PCDH11X: variants seen among roughly 807,000 people sequenced by gnomAD.
PCDH11X encodes protocadherin 11 X-linked.
A neutral mutation model predicts 53.3 loss-of-function variants in PCDH11X; 18 were observed. The ratio of observed to expected loss-of-function variants is 0.34; its 90% confidence interval spans 0.23 to 0.50. The LOEUF (loss-of-function observed/expected upper bound fraction) is 0.50. Ranked by LOEUF, PCDH11X falls within the 20% of genes least tolerant of loss-of-function variation. The pLI is 0.98. For synonymous variants in PCDH11X, 279 were observed against 393.3 expected, an observed-to-expected ratio of 0.71 and a Z score of 3.44; for missense variants, 570 against 1,032.4, an observed-to-expected ratio of 0.55 and a Z score of 6.14.
intron 10 of PCDH11X, among the ~76,000 whole-genome samples, chrX:92,583,139 G>A (rs1486058437): frequency 9.5e-5 from 9 of 95,040 alleles, no homozygotes; most frequent in East Asian, 3.1e-4. Flanking sequence ...TCTCTCTGTC[G>A]CCCAGGCTGG....
intron 6 of PCDH11X, among the ~76,000 whole-genome samples, chrX:91,886,987 G>A (rs2524547): frequency 0.24 from 18,792 of 79,370 alleles, 2,907 homozygotes; most frequent in Admixed American, 0.34. Context: ...AAAAAAAAAA[G>A]AAAAGAAAAG....
intron 8 of PCDH11X, among the ~76,000 whole-genome samples, chrX:92,348,306 A>AT (rs1348350520): frequency 9.0e-6 from 1 of 110,621 alleles, no homozygotes; most frequent in Non-Finnish European, 1.9e-5. Context: ...AATAAGTATT[A>AT]TATCTTGTAA....
chrX:92,278,806 GTTTT>G (rs35000823), intron 8 of PCDH11X, among the ~76,000 whole-genome samples: 475 of 47,377 alleles, frequency 0.01, 4 homozygotes, highest in African/African-American at 0.041. Flanking sequence ...TCTCTTTTCA[GTTTT>G]TTTTTTTTTT....
intron 6 of PCDH11X, among the ~76,000 whole-genome samples, chrX:92,020,160 G>A (rs2062861175): frequency 8.9e-6 from 1 of 112,581 alleles, no homozygotes; most frequent in South Asian, 3.7e-4. Flanking sequence ...GCACAAAATG[G>A]CTTAAGCCTG....
At chrX:91,788,801 T>C (rs1485151250) in intron 1 of PCDH11X, among the ~76,000 whole-genome samples, 2 of 111,626 alleles carry the variant, frequency 1.8e-5, no homozygotes, top group African/African-American at 6.5e-5. Context: ...TACCAGAGCG[T>C]TGGATGATAG....
chrX:92,422,134 CTTTTTT>C (rs67131959), intron 9 of PCDH11X, among the ~76,000 whole-genome samples: 1 of 86,331 alleles, frequency 1.2e-5, no homozygotes, highest in Non-Finnish European at 2.3e-5. Flanking sequence ...AATTTCTTTT[CTTTTTT>C]TTTTTTTTTT....
At chrX:91,979,062 A>C (rs1163614555) in intron 6 of PCDH11X, among the ~76,000 whole-genome samples, 12 of 111,729 alleles carry the variant, frequency 1.1e-4, no homozygotes, top group Non-Finnish European at 2.3e-4. Flanking sequence ...ATGCATTGTA[A>C]AACTATTTTA....
intron 6 of PCDH11X, among the ~76,000 whole-genome samples, chrX:92,095,955 A>G (rs1459362636): frequency 8.9e-6 from 1 of 112,004 alleles, no homozygotes; most frequent in Non-Finnish European, 1.9e-5. Context: ...GCCAATCATC[A>G]TGCATTTTTT....
At chrX:92,215,295 T>C (rs970377786) in intron 7 of PCDH11X, among the ~76,000 whole-genome samples, 3 of 108,323 alleles carry the variant, frequency 2.8e-5, no homozygotes, top group Non-Finnish European at 5.7e-5. Flanking sequence ...TTCCCTTTCC[T>C]AGTCAAAGAA....
chrX:91,926,275 A>G (rs1941946085), intron 6 of PCDH11X, among the ~76,000 whole-genome samples: 1 of 110,041 alleles, frequency 9.1e-6, no homozygotes, highest in Non-Finnish European at 1.9e-5. Context: ...TCCTTCTTGC[A>G]CAAGAAGGCC....
At chrX:92,352,631 T>C (rs2070081912) in intron 8 of PCDH11X, among the ~76,000 whole-genome samples, 2 of 110,486 alleles carry the variant, frequency 1.8e-5, no homozygotes, top group African/African-American at 6.6e-5. Flanking sequence ...AGAGGGAAGA[T>C]CTGGGGCTCA....
rs1201533026 is a variant in PCDH11X, at chrX:92,175,880, A to T, written c.3034-25495A>T. ...CTCTGTTATAACTAAATTTTCCAAA[A>T]TAAGAACTTTCTAATCTATAATTCC... On this transcript the variant is annotated intron_variant, in intron 6 of 10. Coordinates refer to ENST00000682573, the MANE Select transcript of PCDH11X (RefSeq NM_032968.5). Among the ~76,000 whole-genome samples, 7 of 108,206 alleles carry T rather than the reference A, an allele frequency of 6.5e-5. No homozygotes were observed. The South Asian group carries it at 2.9e-3, about 45-fold the overall frequency. 94.0% of individuals were successfully genotyped at this position (108,206 alleles called of 115,157 possible). A position where few individuals can be genotyped will look rare whatever the true frequency, so the allele number is the denominator to read the frequency against.
chrX:92,046,535 TG>T (rs2063291413), intron 6 of PCDH11X, among the ~76,000 whole-genome samples: 1 of 111,250 alleles, frequency 9.0e-6, no homozygotes, highest in Non-Finnish European at 1.9e-5. Context: ...ATGTGTTGTT[TG>T]TTTTACATTG....
intron 5 of PCDH11X, among the ~76,000 whole-genome samples, chrX:91,851,923 G>A (rs1312283897): frequency 9.5e-6 from 1 of 105,668 alleles, no homozygotes; most frequent in African/African-American, 3.5e-5. Context: ...TGCTTTTCAT[G>A]TTTTTCTAGG....
At chrX:92,221,436 G>C (rs1045894322) in intron 7 of PCDH11X, among the ~76,000 whole-genome samples, 39 of 110,093 alleles carry the variant, frequency 3.5e-4, no homozygotes, top group Non-Finnish European at 2.7e-4. Flanking sequence ...AGTATCTATA[G>C]AGGAAGGCTA....
At chrX:92,381,777 T>G (rs1165689039) in intron 8 of PCDH11X, among the ~76,000 whole-genome samples, 10 of 111,863 alleles carry the variant, frequency 8.9e-5, no homozygotes, top group African/African-American at 3.2e-4. Context: ...TTTGCAAATA[T>G]AAAGGAGTGA....
chrX:91,873,461 C>T (rs1420867178), intron 5 of PCDH11X, among the ~76,000 whole-genome samples: 1 of 111,259 alleles, frequency 9.0e-6, no homozygotes, highest in African/African-American at 3.3e-5. Context: ...GTGACATTAT[C>T]CATTAACTAA....
chrX:91,890,454 T>G (rs1305964304), intron 6 of PCDH11X, among the ~76,000 whole-genome samples: 13 of 74,989 alleles, frequency 1.7e-4, no homozygotes, highest in African/African-American at 5.0e-4. Context: ...AAAAAAATTA[T>G]TTGTCTGTTT....
intron 6 of PCDH11X, among the ~76,000 whole-genome samples, chrX:92,084,502 G>A (rs1274921190): frequency 6.1e-5 from 6 of 98,030 alleles, no homozygotes; most frequent in African/African-American, 1.2e-4. Context: ...AGCCAAGATC[G>A]CACTATTGCA....
Sources: gnomAD v4.1 joint callset for allele counts (sites outside exome capture counted in the v4.1 genomes callset) on GRCh38, gnomAD v4.1.1 for gene constraint, MANE v1.5 for transcripts, NCBI Gene and HGNC (gene_info 2026-07-23, HGNC 2026-07-21) for gene names.